Variants in MYBPC3 observed in about 807,000 individuals in gnomAD.
MYBPC3 encodes myosin binding protein C3.
A neutral mutation model predicts 159.3 loss-of-function variants in MYBPC3; 108 were observed. The ratio of observed to expected loss-of-function variants is 0.68; its 90% CI spans 0.58 to 0.80. MYBPC3 has a LOEUF of 0.80. Among genes scored for constraint, MYBPC3 ranks in the 30% least tolerant of loss-of-function variants. MYBPC3 has a pLI of 0.00. For missense variants in MYBPC3, 1,631 were observed against 1,762.1 expected, an observed-to-expected ratio of 0.93 and a Z score of 1.33; for synonymous variants, 730 against 702.0, an observed-to-expected ratio of 1.04 and a Z score of -0.63.
chr11:47,333,142 G>T (rs1419327774), intron 30 of MYBPC3, 52 bp downstream of exon 30: 2 of 1,568,438 alleles, frequency 1.3e-6, no homozygotes, highest in Non-Finnish European at 1.7e-6. Context: ...TGCGGCCTGG[G>T]TCTGCCGGGC....
In MYBPC3 at chr11:47,333,626, C is replaced by T; in HGVS notation, c.3121G>A (p.Gly1041Ser). 2.5e-5 allele frequency: 40 copies of T among 1,606,500 alleles called. No individual in the cohort carries two copies. Among genetic ancestry groups the T allele is most frequent in the Non-Finnish European group, 3.4e-5 (40 of 1,179,824 alleles). ...FIRAARRVHS[G>S]TYQVTVRIEN... ...ATGCGCACCGTCACCTGGTAAGTGC[C>T]TGAATGCACGCGGCGAGCGGCCCGG... Residue 1041 changes from glycine (G) to serine (S), a missense_variant, in exon 29 of 35, where the codon GGC becomes AGC. Coordinates refer to ENST00000545968, the MANE Select transcript of MYBPC3 (RefSeq NM_000256.3).
At position 47,338,239 on chromosome 11, in the gene MYBPC3, A is replaced by G. The variant is rs1252224347; in HGVS notation, c.2308+281T>C. On this transcript the variant is annotated intron_variant, in intron 23 of 34. Transcript: ENST00000545968. This position sits in a 1 kb window ranked among gnomAD's most constrained non-coding sequence, Gnocchi z 4.7. Reference sequence around the variant, plus strand: ...TTCCTCACCATCTTCTCAGCCTCCTAAAGGCATCACCCCCAGGCACAGGGA... The same window carrying G: ...TTCCTCACCATCTTCTCAGCCTCCTGAAGGCATCACCCCCAGGCACAGGGA... Among the ~76,000 whole-genome samples, 1 of 151,958 alleles carries G rather than the reference A, an allele frequency of 6.6e-6. No individual in the cohort carries two copies. Among genetic ancestry groups the G allele is most frequent in the African/African-American group, 2.4e-5 (1 of 41,366 alleles).
intron 12 of MYBPC3, among the ~76,000 whole-genome samples, chr11:47,344,210 A>C (rs1249213305): frequency 6.6e-6 from 1 of 152,234 alleles, no homozygotes; most frequent in East Asian, 1.9e-4. Context: ...CCAGAAAGAC[A>C]GAAGCTTGTC....
rs370561202 is a variant in MYBPC3 at position 47,337,476 on chromosome 11, G to C, written c.2517C>G (p.Gly839=). 1 of 1,613,750 alleles carries C rather than the reference G, an allele frequency of 6.2e-7. No individual in the cohort carries two copies. The highest frequency in any genetic ancestry group is 1.3e-5 in the African/African-American group (1 of 74,930). ...LSHEARRMIE[G]VVYEMRVYAV... ...CGTAGACGCGCATCTCGTACACCACGCCCTCGATCATGCGCCGCGCTTCAT... is the reference window on the plus strand; with the variant it reads ...CGTAGACGCGCATCTCGTACACCACCCCCTCGATCATGCGCCGCGCTTCAT... The change falls in exon 25 of 35, where the codon GGC becomes GGG. Residue 839 remains glycine, a synonymous_variant. Coordinates refer to ENST00000545968, the MANE Select transcript of MYBPC3 (RefSeq NM_000256.3).
intron 29 of MYBPC3, 87 bp downstream of exon 29, chr11:47,333,470 G>T (rs1345656012): frequency 1.3e-6 from 2 of 1,555,780 alleles, no homozygotes; most frequent in East Asian, 4.6e-5. Flanking sequence ...TGAGCTGTGG[G>T]TTGGGTCCCC....
Position 47,342,143 on chromosome 11 carries a change from C to T in MYBPC3, c.1638G>A (p.Glu546=), listed in dbSNP as rs976630639. 5.0e-6 allele frequency: 8 copies of T among 1,613,894 alleles called. No homozygotes were observed. The Admixed American group carries it at 8.3e-5, about 17-fold the overall frequency. The part of the protein sequence containing the change: ...AELIVQEKKL[E]VYQSIADLMV... ...TCAGGTCTGCGATGCTCTGGTACACCTCCAGCTTCTTTTCTGCAGGGCAGG... is the reference window on the plus strand; with the variant it reads ...TCAGGTCTGCGATGCTCTGGTACACTTCCAGCTTCTTTTCTGCAGGGCAGG... Residue 546 remains glutamate, a synonymous_variant, in exon 18 of 35, where the codon GAG becomes GAA. Transcript: ENST00000545968.
rs78327101 is a variant in MYBPC3, at chr11:47,351,659, A to G, written c.26-154T>C. ...TGAGGTAGTTGCAGTTATTCTGTTC[A>G]TTTCTCAGAGGAGGACACTGAGGCT... On this transcript the variant is annotated intron_variant, in intron 1 of 34. Coordinates refer to ENST00000545968, the MANE Select transcript of MYBPC3 (RefSeq NM_000256.3). This position sits in a 1 kb window ranked among gnomAD's most constrained non-coding sequence, Gnocchi z 4.2. Among the ~76,000 whole-genome samples the G allele has an allele frequency of 6.3e-3, 957 of 152,232 alleles. 15 individuals are homozygous for G. Among genetic ancestry groups the G allele is most frequent in the African/African-American group, 0.022 (925 of 41,514 alleles).
Position 47,335,164 on chromosome 11 carries a change from G to C in MYBPC3, c.2783C>G (p.Ser928Trp). The change falls in exon 27 of 35, where the codon TCG becomes TGG. Residue 928 changes from serine (S) to tryptophan (W), a missense_variant. Ser to Trp is a radical substitution (Grantham distance 177). Transcript: ENST00000545968. ...CGTGGGCAGGTCCTTCACCAGTATC[G>C]ATGTGTGCTCTGTCAGCCCCTGCAG... ...AALQGLTEHT[S>W]ILVKDLPTGA... The C allele has an allele frequency of 6.2e-7, 1 of 1,612,554 alleles. No homozygotes were observed. The highest frequency in any genetic ancestry group is 8.5e-7 in the Non-Finnish European group (1 of 1,179,226).
rs757408814 is a variant in MYBPC3, at chr11:47,343,192, T to C, written c.1227-47A>G. 1.9e-6 allele frequency: 3 copies of C among 1,596,474 alleles called. No individual in the cohort carries two copies. In the South Asian group the frequency reaches 3.4e-5, roughly 18 times the overall value. Reference sequence around the variant, plus strand: ...GTGGCAGGAAAGCTGCGGACACCCCTCCGGGCCCAGTGCGCCCCATGATAA... The same window carrying C: ...GTGGCAGGAAAGCTGCGGACACCCCCCCGGGCCCAGTGCGCCCCATGATAA... On this transcript the variant is annotated intron_variant, in intron 14 of 34. Coordinates refer to ENST00000545968, the MANE Select transcript of MYBPC3 (RefSeq NM_000256.3).
chr11:47,342,733 C>CCGT lies in MYBPC3; in HGVS notation c.1466_1468dup (p.Asp489dup), dbSNP rs2095890089. On this transcript the variant is annotated inframe_insertion, in exon 17 of 35. Coordinates refer to ENST00000545968, the MANE Select transcript of MYBPC3 (RefSeq NM_000256.3). ...GGTCTCCTCCCGGGTCAGCTCCACC[C>CCGT]CGTCCTTCAGCCTAGCCGGGTGGGT... The CCGT allele has an allele frequency of 6.2e-7, 1 of 1,613,976 alleles. No homozygotes were observed. Among genetic ancestry groups the CCGT allele is most frequent in the African/African-American group, 1.3e-5 (1 of 75,070 alleles).
intron 12 of MYBPC3, among the ~76,000 whole-genome samples, chr11:47,344,352 C>T (rs1213397866): frequency 6.6e-6 from 1 of 152,184 alleles, no homozygotes; most frequent in Non-Finnish European, 1.5e-5. Flanking sequence ...GCCCCCAGGG[C>T]CAGTGCGGTG....
chr11:47,340,242 CAG>C, intron 20 of MYBPC3, among the ~76,000 whole-genome samples: 1 of 151,950 alleles, frequency 6.6e-6, no homozygotes, highest in African/African-American at 2.4e-5. Flanking sequence ...CACACAGACA[CAG>C]ACACACATAT....
Position 47,339,371 on chromosome 11 carries a change from C to T in MYBPC3, c.2101G>A (p.Ala701Thr). 3 of 1,614,072 alleles carry T rather than the reference C, an allele frequency of 1.9e-6. No homozygotes were observed. The highest frequency in any genetic ancestry group is 2.5e-6 in the Non-Finnish European group (3 of 1,179,896). ...NKAPARPAPD[A>T]PEDTGDSDEW... is the part of the protein sequence containing the mutation. ...TCGCTGTCACCTGTGTCCTCTGGGG[C>T]ATCTGGGGCTGGCCTGGCTGGGGCC... Residue 701 changes from alanine to threonine, a missense_variant, in exon 22 of 35, where the codon GCC (alanine) becomes ACC (threonine). Physicochemically the swap from Ala to Thr is moderately conservative, Grantham distance 58. Transcript: ENST00000545968.
chr11:47,331,697 G>T lies in MYBPC3; in HGVS notation c.*46C>A. On this transcript the variant is annotated 3_prime_UTR_variant, in exon 35 of 35. Transcript: ENST00000545968. ...AACTTCCCTCCAGGCTCCTGGCACG[G>T]GGCTGGCATCCGGTTGTACCTGCAA... The T allele has an allele frequency of 1.2e-6, 1 of 822,430 alleles. No individual in the cohort carries two copies. The highest frequency in any genetic ancestry group is 1.8e-6 in the Non-Finnish European group (1 of 540,768). 50.9% of individuals were successfully genotyped at this position (822,430 alleles called of 1,614,324 possible). A position where few individuals can be genotyped will look rare whatever the true frequency, so the allele number is the denominator to read the frequency against.
chr11:47,334,079 T>A, intron 27 of MYBPC3, 69 bp from the exon 28 acceptor site: 1 of 1,437,958 alleles, frequency 7.0e-7, no homozygotes, highest in Non-Finnish European at 9.5e-7. Flanking sequence ...AGCTCCAACC[T>A]CCCTTGAGAC....
chr11:47,350,657 A>G (rs1322520486), intron 2 of MYBPC3, 42 bp from the exon 3 acceptor site: 1 of 1,432,396 alleles, frequency 7.0e-7, no homozygotes, highest in Non-Finnish European at 9.1e-7. Context: ...GCCACTAACC[A>G]GAGACCCCTC....
intron 29 of MYBPC3, 93 bp downstream of exon 29, chr11:47,333,464 C>T (rs1225261112): frequency 6.5e-7 from 1 of 1,544,972 alleles, no homozygotes; most frequent in Admixed American, 1.9e-5. Context: ...AAAATGTGAG[C>T]TGTGGGTTGG....
In MYBPC3 at chr11:47,338,725, G is replaced by C. The variant is rs1416085162; in HGVS notation, c.2149-46C>G. 18 of 1,546,962 alleles carry C rather than the reference G, an allele frequency of 1.2e-5. No homozygotes were observed. Among genetic ancestry groups the C allele is most frequent in the Non-Finnish European group, 1.6e-5 (18 of 1,145,868 alleles). ...GGTGAGATCCAAGTCAGACCCCAGAGGCCCTTGCAGCCTCCGCCAACAGCC... is the reference window on the plus strand; with the variant it reads ...GGTGAGATCCAAGTCAGACCCCAGACGCCCTTGCAGCCTCCGCCAACAGCC... On this transcript the variant is annotated intron_variant, in intron 22 of 34. Transcript: ENST00000545968. This position sits in a 1 kb window ranked among gnomAD's most constrained non-coding sequence, Gnocchi z 4.7.
In MYBPC3 at chr11:47,333,346, G is replaced by T; in HGVS notation, c.3191-13C>A. ...GGACTTGGCTTGTCTGCGGGAGACAGACCCAGTTGGGTCACCACGCCTCCT... is the reference window on the plus strand; with the variant it reads ...GGACTTGGCTTGTCTGCGGGAGACATACCCAGTTGGGTCACCACGCCTCCT... On this transcript the variant is annotated splice_polypyrimidine_tract_variant and intron_variant, in intron 29 of 34. Coordinates refer to ENST00000545968, the MANE Select transcript of MYBPC3 (RefSeq NM_000256.3). 1 of 1,553,790 alleles carries T rather than the reference G, an allele frequency of 6.4e-7. No homozygotes were observed.
Sources: allele counts gnomAD v4.1 joint callset (sites outside exome capture counted in the v4.1 genomes callset), GRCh38; gene constraint gnomAD v4.1.1; non-coding constraint Gnocchi (gnomAD v3.1); transcripts MANE v1.5; gene names NCBI Gene and HGNC (gene_info 2026-07-23, HGNC 2026-07-21).